EEF1A1: variants seen among roughly 807,000 people sequenced by gnomAD.
EEF1A1 encodes the protein eukaryotic translation elongation factor 1 alpha 1.
A neutral mutation model predicts 38.5 loss-of-function variants in EEF1A1; 1 was observed. The observed-to-expected ratio is 0.03, with a 90% CI of 0.01 to 0.12. The LOEUF (loss-of-function observed/expected upper bound fraction) is 0.12. Among genes scored for constraint, EEF1A1 ranks in the 10% least tolerant of loss-of-function variants. EEF1A1 has a pLI of 1.00. For missense variants in EEF1A1, 184 were observed against 588.3 expected, an observed-to-expected ratio of 0.31 and a Z score of 7.11; for synonymous variants, 229 against 203.7, an observed-to-expected ratio of 1.12 and a Z score of -1.06.
At chr6:73,518,662 T>G in intron 5 of EEF1A1, 36 bp downstream of exon 5, 1 of 1,613,188 alleles carries the variant, frequency 6.2e-7, no homozygotes, top group East Asian at 2.2e-5. Flanking sequence ...CAGTACTCTA[T>G]CAACTCAAAT....
In EEF1A1 at chr6:73,519,053, T is replaced by C; in HGVS notation, c.500A>G (p.Tyr167Cys). The C allele has an allele frequency of 6.2e-7, 1 of 1,608,706 alleles. No individual in the cohort carries two copies. The highest frequency in any genetic ancestry group is 8.5e-7 in the Non-Finnish European group (1 of 1,176,102). The change falls in exon 4 of 8, where the codon TAT (tyrosine) becomes TGT (cysteine). Residue 167 changes from tyrosine to cysteine, a missense_variant. Physicochemically the swap from Tyr to Cys is radical, Grantham distance 194 (BLOSUM62 -2). Around this residue, in one of 3 missense-constraint regions of EEF1A1, gnomAD observed 57 missense variants for 228.1 expected, o/e 0.25. Transcript: ENST00000309268. ...GCTGACTTCCTTAACAATTTCCTCATATCTCTTCTGGCTGTAGGGTGGCTC... is the reference window on the plus strand; with the variant it reads ...GCTGACTTCCTTAACAATTTCCTCACATCTCTTCTGGCTGTAGGGTGGCTC... ...STEPPYSQKR[Y>C]EEIVKEVSTY...
rs541580152 is a variant in EEF1A1 at position 73,516,645 on chromosome 6, T to C, written c.*1165A>G. ...AAAGCATGTCCTTTAATTTTACCTA[T>C]CCTTCAAACTTAAGCAAAAATTTTC... On this transcript the variant is annotated 3_prime_UTR_variant, in exon 8 of 8. Coordinates refer to ENST00000309268, the MANE Select transcript of EEF1A1 (RefSeq NM_001402.6). 1.3e-5 allele frequency: 2 copies of C among 152,074 alleles called. No homozygotes were observed. Among genetic ancestry groups the C allele is most frequent in the Admixed American group, 1.3e-4 (2 of 15,270 alleles). The allele number at this position is 152,074 out of a possible 1,614,324, so 9.4% of individuals were successfully genotyped here. A position where few individuals can be genotyped will look rare whatever the true frequency, so the allele number is the denominator to read the frequency against.
At position 73,516,297 on chromosome 6, in the gene EEF1A1, A is replaced by T. The variant is rs1467979137; in HGVS notation, c.*1513T>A. 2.0e-5 allele frequency: 3 copies of T among 151,956 alleles called. No individual in the cohort carries two copies. The highest frequency in any genetic ancestry group is 7.3e-5 in the African/African-American group (3 of 41,354). The allele number at this position is 151,956 out of a possible 1,614,324, so 9.4% of individuals were successfully genotyped here. ...AGGCCTTATCTCTTGGGCTGCTTTA[A>T]CTCCTGCTTAGCATGTCCTTAAGAA... On this transcript the variant is annotated 3_prime_UTR_variant, in exon 8 of 8. Transcript: ENST00000309268.
rs1429211388 is a variant in EEF1A1 at position 73,516,637 on chromosome 6, T to C, written c.*1173A>G. ...ACAAACAGAAAGCATGTCCTTTAAT[T>C]TTACCTATCCTTCAAACTTAAGCAA... On this transcript the variant is annotated 3_prime_UTR_variant, in exon 8 of 8. Coordinates refer to ENST00000309268, the MANE Select transcript of EEF1A1 (RefSeq NM_001402.6). 6.6e-6 allele frequency: 1 copy of C among 152,018 alleles called. No individual in the cohort carries two copies. Among genetic ancestry groups the C allele is most frequent in the Non-Finnish European group, 1.5e-5 (1 of 68,026 alleles). 9.4% of individuals were successfully genotyped at this position (152,018 alleles called of 1,614,324 possible). A position where few individuals can be genotyped will look rare whatever the true frequency, so the allele number is the denominator to read the frequency against.
At position 73,519,291 on chromosome 6, in the gene EEF1A1, C is replaced by T. The variant is rs573082895; in HGVS notation, c.324+46G>A. 5.0e-6 allele frequency: 8 copies of T among 1,606,862 alleles called. No homozygotes were observed. The East Asian group carries it at 1.8e-4, about 36-fold the overall frequency. Reference sequence around the variant, plus strand: ...CAAATGACAAAACCAGTGTACAAAGCAAGCCTTTTGGGATAAAGAAACCTA... The same window carrying T: ...CAAATGACAAAACCAGTGTACAAAGTAAGCCTTTTGGGATAAAGAAACCTA... On this transcript the variant is annotated intron_variant, in intron 3 of 7. Transcript: ENST00000309268.
At chr6:73,518,315 T>C (rs779906464) in intron 6 of EEF1A1, 39 bp downstream of exon 6, 58 of 1,611,768 alleles carry the variant, frequency 3.6e-5, no homozygotes, top group Non-Finnish European at 4.0e-5. Flanking sequence ...CAAATGACTT[T>C]AGCCTCTGCA....
In EEF1A1 at chr6:73,521,004, G is replaced by C. The variant is rs775257416; in HGVS notation, c.-35C>G. 1 of 153,216 alleles carries C rather than the reference G, an allele frequency of 6.5e-6. No individual in the cohort carries two copies. The highest frequency in any genetic ancestry group is 2.1e-4 in the South Asian group (1 of 4,862). The allele number at this position is 153,216 out of a possible 1,614,324, so 9.5% of individuals were successfully genotyped here. A position where few individuals can be genotyped will look rare whatever the true frequency, so the allele number is the denominator to read the frequency against. On this transcript the variant is annotated 5_prime_UTR_variant, in exon 1 of 8. Coordinates refer to ENST00000309268, the MANE Select transcript of EEF1A1 (RefSeq NM_001402.6). The stretch of plus-strand genomic sequence containing the variant: ...GGAACCACACACGGCACTTACCTGT[G>C]TTCTGGCGGCAAACCCGTTGCGAAA...
chr6:73,520,289 C>T, intron 1 of EEF1A1: 1 of 401,182 alleles, frequency 2.5e-6, no homozygotes, highest in Non-Finnish European at 4.5e-6. Flanking sequence ...GGACGGCGCC[C>T]GGTACTCCGT....
At position 73,516,628 on chromosome 6, in the gene EEF1A1, T is replaced by C. The variant is rs1765521282; in HGVS notation, c.*1182A>G. The C allele has an allele frequency of 1.3e-5, 2 of 152,038 alleles. No individual in the cohort carries two copies. The highest frequency in any genetic ancestry group is 4.8e-5 in the African/African-American group (2 of 41,378). 9.4% of individuals were successfully genotyped at this position (152,038 alleles called of 1,614,324 possible). ...AACCATCACACAAACAGAAAGCATG[T>C]CCTTTAATTTTACCTATCCTTCAAA... On this transcript the variant is annotated 3_prime_UTR_variant, in exon 8 of 8. Transcript: ENST00000309268.
rs1359658121 is a variant in EEF1A1 at position 73,519,961 on chromosome 6, G to A, written c.66C>T (p.Thr22=). ...VIGHVDSGKS[T]TTGHLIYKCG... is the part of the protein sequence containing the mutation. ...ATTTATAGATCAGATGGCCAGTAGT[G>A]GTGGACTTGCCCGAATCTACGTGTC... The change falls in exon 2 of 8, where the codon ACC becomes ACT. Residue 22 remains threonine (T), a synonymous_variant. Transcript: ENST00000309268. 4 of 1,606,248 alleles carry A rather than the reference G, an allele frequency of 2.5e-6. No homozygotes were observed. In the African/African-American group the frequency reaches 4.0e-5, roughly 16 times the overall value.
At position 73,517,748 on chromosome 6, in the gene EEF1A1, AGTTCTGAGACC is replaced by A; in HGVS notation, c.*51_*61del. On this transcript the variant is annotated 3_prime_UTR_variant, in exon 8 of 8. Coordinates refer to ENST00000309268, the MANE Select transcript of EEF1A1 (RefSeq NM_001402.6). ...ACTTAAATGGCCAATTGAAACAAAC[AGTTCTGAGACC>A]GTTCTTCCACCACTGATTAAGAGTG... The A allele has an allele frequency of 1.1e-6, 1 of 874,512 alleles. No homozygotes were observed. The highest frequency in any genetic ancestry group is 1.8e-5 in the South Asian group (1 of 57,096). The allele number at this position is 874,512 out of a possible 1,614,324, so 54.2% of individuals were successfully genotyped here.
At position 73,520,152 on chromosome 6, in the gene EEF1A1, T is replaced by C. The variant is rs901107290; in HGVS notation, c.-30-96A>G. 7 of 1,222,020 alleles carry C rather than the reference T, an allele frequency of 5.7e-6. No individual in the cohort carries two copies. In the African/African-American group the frequency reaches 6.1e-5, roughly 11 times the overall value. The allele number at this position is 1,222,020 out of a possible 1,614,324, so 75.7% of individuals were successfully genotyped here. A position where few individuals can be genotyped will look rare whatever the true frequency, so the allele number is the denominator to read the frequency against. ...AGGGCAAATTCCAAGGAGAATTACA[T>C]CAAGTGCCAAGCTGGCCTAACTTCA... On this transcript the variant is annotated intron_variant, in intron 1 of 7. Transcript: ENST00000309268.
rs1765586555 is a variant in EEF1A1, at chr6:73,518,844, G to A, written c.626C>T (p.Pro209Leu). The A allele has an allele frequency of 1.2e-6, 2 of 1,613,488 alleles. No individual in the cohort carries two copies. The highest frequency in any genetic ancestry group is 1.7e-6 in the Non-Finnish European group (2 of 1,179,476). The change falls in exon 5 of 8, where the codon CCT becomes CTT. Residue 209 changes from proline (P) to leucine (L), a missense_variant. Coordinates refer to ENST00000309268, the MANE Select transcript of EEF1A1 (RefSeq NM_001402.6). ...GGTGACTTTCCATCCCTTGAACCAA[G>A]GCATCTGAAACACAAGCATGCCAAT... Reference protein sequence around the residue: ...DNMLEPSANMPWFKGWKVTRK... With the variant: ...DNMLEPSANMLWFKGWKVTRK...
Position 73,519,208 on chromosome 6 carries a change from A to C in EEF1A1, c.345T>G (p.Ile115Met), listed in dbSNP as rs758696967. ...CAAATTCACCAACACCAGCAGCAAC[A>C]ATCAGGACAGCACAGTCAGCCTTTA... ...GTSQADCAVL[I>M]VAAGVGEFEA... The change falls in exon 4 of 8, where the codon ATT becomes ATG. Residue 115 changes from isoleucine to methionine, a missense_variant. This residue lies in a region of EEF1A1 where 57 missense variants were observed against 228.1 expected (regional missense o/e 0.25). Coordinates refer to ENST00000309268, the MANE Select transcript of EEF1A1 (RefSeq NM_001402.6). 1 of 1,603,026 alleles carries C rather than the reference A, an allele frequency of 6.2e-7. No homozygotes were observed. Among genetic ancestry groups the C allele is most frequent in the Non-Finnish European group, 8.5e-7 (1 of 1,178,058 alleles).
chr6:73,519,593 T>C (rs1293681194), intron 2 of EEF1A1, 77 bp from the exon 3 acceptor site: 117 of 1,461,258 alleles, frequency 8.0e-5, no homozygotes, highest in Non-Finnish European at 1.0e-4. Flanking sequence ...CAGCCCTTAA[T>C]TGGCAGTTTC....
Position 73,519,870 on chromosome 6 carries a change from G to T in EEF1A1, c.144+13C>A. On this transcript the variant is annotated intron_variant, in intron 2 of 7. Coordinates refer to ENST00000309268, the MANE Select transcript of EEF1A1 (RefSeq NM_001402.6). Reference sequence around the variant, plus strand: ...ATTTTAGTTGATCTTTCCCTTTCTGGTATTAAACATACCTCAGCAGCCTCC... The same window carrying T: ...ATTTTAGTTGATCTTTCCCTTTCTGTTATTAAACATACCTCAGCAGCCTCC... 1 of 1,612,530 alleles carries T rather than the reference G, an allele frequency of 6.2e-7. No individual in the cohort carries two copies. The highest frequency in any genetic ancestry group is 8.5e-7 in the Non-Finnish European group (1 of 1,179,734).
Position 73,516,868 on chromosome 6 carries a change from ACAAACTGCTAATTAT to A in EEF1A1, c.*927_*941del, listed in dbSNP as rs1468116769. ...AGTTTCATTCCTAGTGACCAAGTAG[ACAAACTGCTAATTAT>A]CAAAGCATAAAAGGTATTAGACTCT... On this transcript the variant is annotated 3_prime_UTR_variant, in exon 8 of 8. Coordinates refer to ENST00000309268, the MANE Select transcript of EEF1A1 (RefSeq NM_001402.6). 4 of 152,226 alleles carry A rather than the reference ACAAACTGCTAATTAT, an allele frequency of 2.6e-5. No homozygotes were observed. Among genetic ancestry groups the A allele is most frequent in the African/African-American group, 9.6e-5 (4 of 41,454 alleles). 9.4% of individuals were successfully genotyped at this position (152,226 alleles called of 1,614,324 possible). A position where few individuals can be genotyped will look rare whatever the true frequency, so the allele number is the denominator to read the frequency against.
At position 73,520,264 on chromosome 6, in the gene EEF1A1, C is replaced by T. The variant is rs1036830404; in HGVS notation, c.-30-208G>A. On this transcript the variant is annotated intron_variant, in intron 1 of 7. Transcript: ENST00000309268. ...ACGACGTACTCCAAAAGCTCGAGAA[C>T]TAATCGAGGTGCCTGGACGGCGCCC... 592 of 478,486 alleles carry T rather than the reference C, an allele frequency of 1.2e-3. 4 individuals are homozygous for T. The highest frequency in any genetic ancestry group is 2.2e-3 in the Middle Eastern group (4 of 1,814). 29.6% of individuals were successfully genotyped at this position (478,486 alleles called of 1,614,324 possible). A position where few individuals can be genotyped will look rare whatever the true frequency, so the allele number is the denominator to read the frequency against.
At position 73,518,624 on chromosome 6, in the gene EEF1A1, CA is replaced by C. The variant is rs745812014; in HGVS notation, c.773-15del. 1.4e-5 allele frequency: 23 copies of C among 1,613,220 alleles called. No homozygotes were observed. The East Asian group carries it at 5.1e-4, about 36-fold the overall frequency. ...CAGTACCAATACCTAAAAATATTTA[CA>C]GCATACTAAATACCTATGAAGGCAG... On this transcript the variant is annotated splice_polypyrimidine_tract_variant and intron_variant, in intron 5 of 7. Transcript: ENST00000309268.
Sources: allele counts gnomAD v4.1 joint callset, GRCh38; gene constraint gnomAD v4.1.1; regional missense constraint gnomAD v4.1.1; transcripts MANE v1.5; gene names NCBI Gene and HGNC (gene_info 2026-07-23, HGNC 2026-07-21).